DOK7: variants seen among roughly 807,000 people sequenced by gnomAD.
The protein encoded by DOK7 is docking protein 7.
DOK7 carries 32 observed loss-of-function variants against 30.7 expected under a neutral mutation model. The observed-to-expected ratio is 1.04, with a 90% CI of 0.79 to 1.40. The LOEUF is 1.40. Ranked by LOEUF, DOK7 falls within the 40% of genes most tolerant of loss-of-function variation. The pLI, the probability that DOK7 is intolerant of heterozygous loss-of-function variation, is 0.00. For synonymous variants in DOK7, 447 were observed against 324.1 expected (o/e 1.38, Z -4.07); for missense variants, 1,007 against 699.2 (o/e 1.44, Z -4.97).
At position 3,493,402 on chromosome 4, in the gene DOK7, C is replaced by A; in HGVS notation, c.1416C>A (p.Gly472=). 3.1e-6 allele frequency: 5 copies of A among 1,595,706 alleles called. No individual in the cohort carries two copies. The highest frequency in any genetic ancestry group is 4.3e-6 in the Non-Finnish European group (5 of 1,171,590). ...SEATLPGPAP[G]EPWEAGGPHA... ...CCACACTGCCTGGCCCTGCCCCTGG[C>A]GAGCCCTGGGAAGCAGGCGGCCCCC... The change falls in exon 7 of 7, where the codon GGC becomes GGA. Residue 472 remains glycine, a synonymous_variant. Transcript: ENST00000340083.
At position 3,476,590 on chromosome 4, in the gene DOK7, T is replaced by G. The variant is rs534321926; in HGVS notation, c.532+48T>G. ...ACTGGGCAGCAGCAGCACCCCCCACTTCCCCTGAGAACTGCTGGCTTCGGG... is the reference window on the plus strand; with the variant it reads ...ACTGGGCAGCAGCAGCACCCCCCACGTCCCCTGAGAACTGCTGGCTTCGGG... On this transcript the variant is annotated intron_variant, in intron 4 of 6. Coordinates refer to ENST00000340083, the MANE Select transcript of DOK7 (RefSeq NM_173660.5). The G allele has an allele frequency of 2.8e-5, 45 of 1,607,666 alleles. No individual in the cohort carries two copies. The South Asian group carries it at 3.0e-4, about 11-fold the overall frequency.
At chr4:3,498,769 G>A (rs187229920), downstream of DOK7, among the ~76,000 whole-genome samples, 35 of 152,394 alleles carry the variant, frequency 2.3e-4, no homozygotes, top group East Asian at 6.7e-3. Flanking sequence ...CGATGAAGGG[G>A]TCCTGGCATT....
intron 6 of DOK7, among the ~76,000 whole-genome samples, chr4:3,490,014 T>TTTTCTC: frequency 1.0e-5 from 1 of 97,660 alleles, no homozygotes; most frequent in African/African-American, 4.2e-5. Context: ...TTCCTTCTCC[T>TTTTCTC]CCTGCTCATT....
chr4:3,492,142 G>A (rs1476132314), intron 6 of DOK7, among the ~76,000 whole-genome samples: 2 of 152,216 alleles, frequency 1.3e-5, no homozygotes, highest in African/African-American at 2.4e-5. Context: ...CCAAGAGCAC[G>A]GGAGGGGCCT....
Position 3,490,913 on chromosome 4 carries a change from CTCAT to C in DOK7, c.772+1124_772+1127del, listed in dbSNP as rs1471484410. 3.7e-5 allele frequency among the ~76,000 whole-genome samples: 5 copies of C among 134,050 alleles called. 1 individual carries two copies. The highest frequency in any genetic ancestry group is 2.5e-4 in the South Asian group (1 of 3,926). The allele number at this position is 134,050 out of a possible 152,430, so 87.9% of individuals were successfully genotyped here. A position where few individuals can be genotyped will look rare whatever the true frequency, so the allele number is the denominator to read the frequency against. On this transcript the variant is annotated intron_variant, in intron 6 of 6. Coordinates refer to ENST00000340083, the MANE Select transcript of DOK7 (RefSeq NM_173660.5). Reference sequence around the variant, plus strand: ...ATTAATTTCTTCCTTCTCTCCTCTGCTCATTCATTCCTTCCTTCTTCCCCTGCTC... The same window carrying C: ...ATTAATTTCTTCCTTCTCTCCTCTGCTCATTCCTTCCTTCTTCCCCTGCTC...
At chr4:3,474,212 G>T (rs1394952186) in intron 3 of DOK7, among the ~76,000 whole-genome samples, 1 of 152,162 alleles carries the variant, frequency 6.6e-6, no homozygotes, top group Non-Finnish European at 1.5e-5. Context: ...TGGTGATGGG[G>T]CCCTGGGCAC....
chr4:3,491,244 CTTCTCCCCTTGCTCATTCA>C (rs1728399475), intron 6 of DOK7, among the ~76,000 whole-genome samples: 1 of 115,866 alleles, frequency 8.6e-6, no homozygotes, highest in Admixed American at 1.1e-4. Flanking sequence ...TCTTTCATTC[CTTCTCCCCTTGCTCATTCA>C]TTCCTTCATT....
At chr4:3,472,513 C>T (rs1307075345) in intron 2 of DOK7, among the ~76,000 whole-genome samples, 3 of 152,196 alleles carry the variant, frequency 2.0e-5, no homozygotes, top group Non-Finnish European at 4.4e-5. Flanking sequence ...GGAGCCATGC[C>T]GGGAGGGCCG....
chr4:3,492,555 C>T (rs78482662), intron 6 of DOK7, among the ~76,000 whole-genome samples: 142 of 152,032 alleles, frequency 9.3e-4, no homozygotes, highest in African/African-American at 2.6e-3. Flanking sequence ...AGGACAGGAA[C>T]GGACAAAGAA....
chr4:3,494,072 G>C lies in DOK7; in HGVS notation c.*571G>C. The C allele has an allele frequency of 1.0e-6, 1 of 986,872 alleles. No individual in the cohort carries two copies. Among genetic ancestry groups the C allele is most frequent in the Non-Finnish European group, 1.2e-6 (1 of 831,090 alleles). 61.1% of individuals were successfully genotyped at this position (986,872 alleles called of 1,614,324 possible). A position where few individuals can be genotyped will look rare whatever the true frequency, so the allele number is the denominator to read the frequency against. On this transcript the variant is annotated 3_prime_UTR_variant, in exon 7 of 7. Transcript: ENST00000340083. ...AAGCTCAGGAGGCTGTGTGGCTTGC[G>C]GGGTCTCTGGGTTCTGGGCCCCACT...
chr4:3,500,935 G>C, exon 8 of DOK7: 3 of 1,417,158 alleles, frequency 2.1e-6, no homozygotes, highest in Non-Finnish European at 2.8e-6. Context: ...GGAGCTCCCA[G>C]TCGCAGGAGC....
At chr4:3,490,387 G>GCTCATTCATTCCTTCCTTCTCCCCACA (rs779617295) in intron 6 of DOK7, among the ~76,000 whole-genome samples, 1 of 46,000 alleles carries the variant, frequency 2.2e-5, no homozygotes, top group Non-Finnish European at 3.9e-5. Flanking sequence ...CCCACCCCCT[G>GCTCATTCATTCCTTCCTTCTCCCCACA]CTCATTCAGT....
chr4:3,493,652 T>C lies in DOK7; in HGVS notation c.*151T>C. On this transcript the variant is annotated 3_prime_UTR_variant, in exon 7 of 7. Coordinates refer to ENST00000340083, the MANE Select transcript of DOK7 (RefSeq NM_173660.5). ...GAGAGGGGAGCTGGAGGGCGCGCCCTGTGGCTGCCACCGGAGGAAGGGGCT... is the reference window on the plus strand; with the variant it reads ...GAGAGGGGAGCTGGAGGGCGCGCCCCGTGGCTGCCACCGGAGGAAGGGGCT... 1 of 1,458,452 alleles carries C rather than the reference T, an allele frequency of 6.9e-7. No individual in the cohort carries two copies. The highest frequency in any genetic ancestry group is 1.4e-5 in the African/African-American group (1 of 69,972). The allele number at this position is 1,458,452 out of a possible 1,614,324, so 90.3% of individuals were successfully genotyped here. A position where few individuals can be genotyped will look rare whatever the true frequency, so the allele number is the denominator to read the frequency against.
In DOK7 at chr4:3,493,272, G is replaced by A. The variant is rs1471669905; in HGVS notation, c.1286G>A (p.Ser429Asn). Residue 429 changes from serine (S) to asparagine (N), a missense_variant, in exon 7 of 7, where the codon AGT becomes AAT. Coordinates refer to ENST00000340083, the MANE Select transcript of DOK7 (RefSeq NM_173660.5). ...SPPSQGSPGN[S>N]AARDSGGQTS... ...CCCTCACAGGGCAGCCCCGGCAACA[G>A]TGCGGCCAGGGACTCAGGCGGCCAG... 9.3e-6 allele frequency: 15 copies of A among 1,611,214 alleles called. No homozygotes were observed. The highest frequency in any genetic ancestry group is 1.3e-5 in the Non-Finnish European group (15 of 1,179,354).
downstream of DOK7, among the ~76,000 whole-genome samples, chr4:3,496,069 G>A (rs867257576): frequency 1.3e-5 from 2 of 152,152 alleles, no homozygotes; most frequent in African/African-American, 2.4e-5. Flanking sequence ...GCCGGCTGCC[G>A]GAACCCATGT....
chr4:3,487,954 G>A (rs1197953735), intron 5 of DOK7, among the ~76,000 whole-genome samples: 1 of 152,244 alleles, frequency 6.6e-6, no homozygotes, highest in Admixed American at 6.5e-5. Flanking sequence ...CTGCCCACGT[G>A]GCTGAATGTG....
intron 4 of DOK7, chr4:3,484,730 G>A (rs1289233700): frequency 1.2e-5 from 12 of 985,380 alleles, no homozygotes; most frequent in South Asian, 4.7e-5. Flanking sequence ...TGCTGCACAC[G>A]GCCTCAGGGC....
At chr4:3,500,260 G>T in exon 7 of DOK7, 23 of 1,535,696 alleles carry the variant, frequency 1.5e-5, no homozygotes, top group Non-Finnish European at 1.9e-5. Context: ...GGATCCCCAG[G>T]ACCCGTGGCT....
At chr4:3,491,167 CTGCTCAT>C (rs1728383162) in intron 6 of DOK7, among the ~76,000 whole-genome samples, 1 of 94,124 alleles carries the variant, frequency 1.1e-5, no homozygotes, top group Non-Finnish European at 2.0e-5. Context: ...CTTCTTCCTC[CTGCTCAT>C]TCATTCCTTC....
Sources: gnomAD v4.1 joint callset for allele counts (sites outside exome capture counted in the v4.1 genomes callset) on GRCh38, gnomAD v4.1.1 for gene constraint, MANE v1.5 for transcripts, NCBI Gene and HGNC (gene_info 2026-07-23, HGNC 2026-07-21) for gene names.